Variants in CMTM8 observed in about 807,000 individuals in gnomAD.
CMTM8 encodes the protein CKLF like MARVEL transmembrane domain containing 8, also known as CKLF-like MARVEL transmembrane domain-containing protein 8.
A neutral mutation model predicts 18.6 loss-of-function variants in CMTM8; 12 were observed. The ratio of observed to expected loss-of-function variants is 0.65; its 90% CI spans 0.41 to 1.05. The LOEUF is 1.05. Ranked by LOEUF, CMTM8 falls within the 50% of genes least tolerant of loss-of-function variation. The pLI, the probability that CMTM8 is intolerant of heterozygous loss-of-function variation, is 0.00. For synonymous variants in CMTM8, 87 were observed against 90.6 expected, an observed-to-expected ratio of 0.96 and a Z score of 0.23; for missense variants, 217 against 227.2, an observed-to-expected ratio of 0.95 and a Z score of 0.29.
intron 1 of CMTM8, among the ~76,000 whole-genome samples, chr3:32,258,263 GC>G (rs1702202564): frequency 6.6e-6 from 1 of 152,056 alleles, no homozygotes; most frequent in Admixed American, 6.6e-5. Context: ...AGTTCTCACT[GC>G]TCCAGACTGC....
chr3:32,326,167 C>G (rs12494192), intron 1 of CMTM8, among the ~76,000 whole-genome samples: 14,189 of 152,286 alleles, frequency 0.093, 857 homozygotes, highest in Non-Finnish European at 0.13. Context: ...ATCCTGCTGA[C>G]TCGTCACACT....
chr3:32,238,320 CGA>C (rs1047871298), upstream of CMTM8: 1 of 152,372 alleles, frequency 6.6e-6, no homozygotes, highest in African/African-American at 2.4e-5. Context: ...CCCTCCGCGC[CGA>C]GTCCTGGAGC....
chr3:32,355,488 G>A (rs777384336), intron 1 of CMTM8, among the ~76,000 whole-genome samples: 14 of 152,024 alleles, frequency 9.2e-5, no homozygotes, highest in African/African-American at 2.7e-4. Context: ...CTCACTTCTC[G>A]ATATTCACTG....
At chr3:32,309,080 G>A (rs938128241) in intron 1 of CMTM8, among the ~76,000 whole-genome samples, 3 of 152,254 alleles carry the variant, frequency 2.0e-5, no homozygotes, top group Middle Eastern at 3.4e-3. Context: ...GTGTCCTGGG[G>A]AGTGCTGAGT....
rs116137337 is a variant in CMTM8, at chr3:32,357,027, C to T, written c.148-346C>T. The stretch of plus-strand genomic sequence containing the variant: ...TGGCATTTGTAGGCACATGAGTTTG[C>T]AAACCCTGTAATATTTTTAAGTCAT... On this transcript the variant is annotated intron_variant, in intron 1 of 3. Transcript: ENST00000307526. Among the ~76,000 whole-genome samples the T allele has an allele frequency of 5.0e-3, 766 of 152,240 alleles. 7 individuals are homozygous for T. The highest frequency in any genetic ancestry group is 0.018 in the African/African-American group (731 of 41,546).
At chr3:32,341,639 G>T (rs912260079) in intron 1 of CMTM8, among the ~76,000 whole-genome samples, 2 of 152,116 alleles carry the variant, frequency 1.3e-5, no homozygotes, top group Admixed American at 6.5e-5. Context: ...CACTTTGGGA[G>T]GCCGAGGCAG....
chr3:32,240,380 G>A (rs1468698757), intron 1 of CMTM8, among the ~76,000 whole-genome samples: 4 of 152,192 alleles, frequency 2.6e-5, no homozygotes, highest in Non-Finnish European at 2.9e-5. Context: ...TATTGGAATC[G>A]CCTTGCAGGG....
At chr3:32,352,875 GTT>G (rs5847757) in intron 1 of CMTM8, among the ~76,000 whole-genome samples, 86,580 of 149,312 alleles carry the variant, frequency 0.58, 26,468 homozygotes, top group East Asian at 0.79. Flanking sequence ...CATAGGTTCT[GTT>G]TTTTTTTTTT....
intron 1 of CMTM8, among the ~76,000 whole-genome samples, chr3:32,274,287 G>A (rs1374062727): frequency 7.4e-5 from 11 of 149,636 alleles, no homozygotes; most frequent in Admixed American, 3.3e-4. Context: ...TCCAGCCTGG[G>A]TGACCCTGTC....
At chr3:32,308,930 G>A (rs1027900894) in intron 1 of CMTM8, among the ~76,000 whole-genome samples, 5 of 152,118 alleles carry the variant, frequency 3.3e-5, no homozygotes, top group African/African-American at 7.2e-5. Flanking sequence ...GAAAGTCATC[G>A]TGGCAGCTCT....
At chr3:32,263,475 G>A (rs1184398657) in intron 1 of CMTM8, among the ~76,000 whole-genome samples, 3 of 152,086 alleles carry the variant, frequency 2.0e-5, no homozygotes, top group African/African-American at 7.2e-5. Flanking sequence ...AAGACCAAAG[G>A]TAGATAAAAC....
intron 1 of CMTM8, among the ~76,000 whole-genome samples, chr3:32,312,614 C>T (rs1027519911): frequency 6.6e-6 from 1 of 152,034 alleles, no homozygotes; most frequent in African/African-American, 2.4e-5. Context: ...AAACTCTGTC[C>T]TTTGAGGTTC....
chr3:32,293,337 G>A (rs1702816559), intron 1 of CMTM8, among the ~76,000 whole-genome samples: 1 of 152,092 alleles, frequency 6.6e-6, no homozygotes, highest in Non-Finnish European at 1.5e-5. Context: ...GATCACTTGA[G>A]GTCAGGAGTT....
chr3:32,282,378 ATAAT>A (rs1490786509), intron 1 of CMTM8, among the ~76,000 whole-genome samples: 20 of 152,228 alleles, frequency 1.3e-4, no homozygotes, highest in Non-Finnish European at 2.4e-4. Flanking sequence ...CAACCATAAA[ATAAT>A]TATGAGATGA....
intron 1 of CMTM8, among the ~76,000 whole-genome samples, chr3:32,241,145 G>A (rs1701942256): frequency 6.6e-6 from 1 of 152,126 alleles, no homozygotes; most frequent in African/African-American, 2.4e-5. Context: ...TTCTCCCAGT[G>A]TCTTCATCTC....
At chr3:32,292,621 C>G (rs1314321792) in intron 1 of CMTM8, among the ~76,000 whole-genome samples, 2 of 151,994 alleles carry the variant, frequency 1.3e-5, no homozygotes, top group Non-Finnish European at 2.9e-5. Flanking sequence ...ACAAAGGATA[C>G]TGTTTATCCT....
intron 1 of CMTM8, among the ~76,000 whole-genome samples, chr3:32,322,206 T>G (rs924957999): frequency 2.0e-5 from 3 of 152,166 alleles, no homozygotes; most frequent in African/African-American, 7.2e-5. Flanking sequence ...CCCAACTGAG[T>G]GTGCAGTCCA....
At position 32,251,779 on chromosome 3, in the gene CMTM8, A is replaced by AT. The variant is rs201903410; in HGVS notation, c.147+12673dup. Among the ~76,000 whole-genome samples the AT allele has an allele frequency of 4.2e-3, 620 of 146,362 alleles. 3 individuals are homozygous for AT. Among genetic ancestry groups the AT allele is most frequent in the African/African-American group, 0.014 (547 of 40,008 alleles). On this transcript the variant is annotated intron_variant, in intron 1 of 3. Coordinates refer to ENST00000307526, the MANE Select transcript of CMTM8 (RefSeq NM_178868.5). ...AAATATTTGAAGAAAATATAGGGGA[A>AT]TTTTTTTTTTTTTAATATTTACTTT...
intron 1 of CMTM8, among the ~76,000 whole-genome samples, chr3:32,257,719 G>A (rs1702192439): frequency 1.3e-5 from 2 of 151,908 alleles, no homozygotes; most frequent in South Asian, 4.2e-4. Flanking sequence ...ACTTCTGCTT[G>A]TTGAATCTGT....
Sources: allele counts gnomAD v4.1 joint callset (sites outside exome capture counted in the v4.1 genomes callset), GRCh38; gene constraint gnomAD v4.1.1; transcripts MANE v1.5; gene names NCBI Gene and HGNC (gene_info 2026-07-23, HGNC 2026-07-21).